Variants in CTCF observed in about 807,000 individuals in gnomAD.
CTCF encodes the protein transcriptional repressor CTCF.
A neutral mutation model predicts 72.3 loss-of-function variants in CTCF; 7 were observed. The ratio of observed to expected loss-of-function variants is 0.10; its 90% CI spans 0.06 to 0.18. The LOEUF (loss-of-function observed/expected upper bound fraction) is 0.18. Among genes scored for constraint, CTCF ranks in the 10% least tolerant of loss-of-function variants. CTCF has a pLI of 1.00. For missense variants in CTCF, 516 were observed against 949.1 expected (o/e 0.54, Z 6.00); for synonymous variants, 374 against 315.8 (o/e 1.18, Z -1.95).
chr16:67,572,421 T>C (rs779687072), intron 2 of CTCF: 9 of 152,174 alleles, frequency 5.9e-5, no homozygotes, highest in Non-Finnish European at 1.3e-4. Flanking sequence ...CACTTTCAAG[T>C]GTTATGACTA....
chr16:67,603,284 A>G (rs1291049542), intron 2 of CTCF, among the ~76,000 whole-genome samples: 1 of 152,084 alleles, frequency 6.6e-6, no homozygotes, highest in Non-Finnish European at 1.5e-5. Context: ...TAATCCCAGC[A>G]CTTTGGGAGG....
chr16:67,636,842 C>G lies in CTCF; in HGVS notation c.1990C>G (p.Gln664Glu). 1 of 1,591,340 alleles carries G rather than the reference C, an allele frequency of 6.3e-7. No homozygotes were observed. The highest frequency in any genetic ancestry group is 8.6e-7 in the Non-Finnish European group (1 of 1,168,358). ...RPPGRTNQPKQNQPTAIIQVE... is the reference protein window; with the variant it reads ...RPPGRTNQPKENQPTAIIQVE... ...CCCTGGCAGAACCAACCAGCCCAAA[C>G]AGAACCAGCGTAAGTTGTTCATCTC... Residue 664 changes from glutamine to glutamate, a missense_variant, in exon 11 of 12, where the codon CAG (glutamine) becomes GAG (glutamate). By Grantham distance (29) the Gln-to-Glu change is conservative. Transcript: ENST00000264010.
chr16:67,579,520 G>T (rs1433115414), intron 2 of CTCF, among the ~76,000 whole-genome samples: 2 of 151,530 alleles, frequency 1.3e-5, no homozygotes, highest in Non-Finnish European at 2.9e-5. Flanking sequence ...CACCATGCCC[G>T]GCTAATTTTT....
chr16:67,564,940 TA>T (rs1327173108), intron 1 of CTCF, among the ~76,000 whole-genome samples: 1 of 152,196 alleles, frequency 6.6e-6, no homozygotes, highest in Non-Finnish European at 1.5e-5. Context: ...GTTTTGTTTT[TA>T]TTAAAAAACA....
At chr16:67,572,652 C>T (rs961922669) in intron 2 of CTCF, 1 of 152,142 alleles carries the variant, frequency 6.6e-6, no homozygotes, top group Non-Finnish European at 1.5e-5. Context: ...ACACCCAGTA[C>T]ATTGGAAGGC....
chr16:67,620,263 C>T (rs969659790), intron 5 of CTCF, among the ~76,000 whole-genome samples: 1 of 152,102 alleles, frequency 6.6e-6, no homozygotes, highest in South Asian at 2.1e-4. Context: ...TGCAGTGGCA[C>T]GATCTCGGGT....
chr16:67,584,334 C>CGTCTTTTTTTT (rs1567596519), intron 2 of CTCF, among the ~76,000 whole-genome samples: 1 of 121,928 alleles, frequency 8.2e-6, no homozygotes, highest in African/African-American at 3.7e-5. Context: ...AAAAAAAAGT[C>CGTCTTTTTTTT]TTCTTTTTTT....
intron 2 of CTCF, among the ~76,000 whole-genome samples, chr16:67,580,772 A>ATTTTTTTTTTTT (rs781616750): frequency 8.3e-6 from 1 of 120,220 alleles, no homozygotes; most frequent in African/African-American, 3.5e-5. Context: ...GCCTGGCCAA[A>ATTTTTTTTTTTT]TTTTTTTTTT....
At chr16:67,603,621 A>ATT (rs2051928316) in intron 2 of CTCF, among the ~76,000 whole-genome samples, 1 of 151,594 alleles carries the variant, frequency 6.6e-6, no homozygotes, top group East Asian at 1.9e-4. Context: ...TCAGGAGATA[A>ATT]GAGACCATCC....
chr16:67,562,921 A>ACGCCCGCC (rs529970183), intron 1 of CTCF, among the ~76,000 whole-genome samples, 197 bp downstream of exon 1: 7 of 41,456 alleles, frequency 1.7e-4, no homozygotes, highest in Non-Finnish European at 2.9e-4. Context: ...CCCCACCCCC[A>ACGCCCGCC]CGCCCGCCCG....
chr16:67,569,817 C>G (rs1372939997), intron 1 of CTCF, among the ~76,000 whole-genome samples: 1 of 151,664 alleles, frequency 6.6e-6, no homozygotes, highest in African/African-American at 2.4e-5. Flanking sequence ...TCCTGAATAG[C>G]TGGGATTACA....
chr16:67,636,244 C>T (rs372021383), intron 10 of CTCF, among the ~76,000 whole-genome samples: 2 of 151,964 alleles, frequency 1.3e-5, no homozygotes, highest in Admixed American at 6.6e-5. Flanking sequence ...GGTGTGGTGG[C>T]GTATGCCTGT....
rs371107175 is a variant in CTCF, at chr16:67,612,063, C to G, written c.894C>G (p.Leu298=). ...HTDERPHKCH[L]CGRAFRTVTL... ...ATGAGAGACCACACAAGTGCCATCT[C>G]TGTGGCAGGGCATTCAGAACAGTCA... Residue 298 remains leucine, a synonymous_variant, in exon 4 of 12, where the codon CTC becomes CTG. Coordinates refer to ENST00000264010, the MANE Select transcript of CTCF (RefSeq NM_006565.4). 6.2e-7 allele frequency: 1 copy of G among 1,614,168 alleles called. No homozygotes were observed. The highest frequency in any genetic ancestry group is 1.3e-5 in the African/African-American group (1 of 75,064).
rs756272782 is a variant in CTCF, at chr16:67,616,727, A to G, written c.953-18A>G. 7 of 1,613,604 alleles carry G rather than the reference A, an allele frequency of 4.3e-6. No homozygotes were observed. The Admixed American group carries it at 1.2e-4, about 27-fold the overall frequency. ...TGCCCTTGATCTTGCTCTTCCTGTT[A>G]CTCCATCCTTTCTCTAGGTACTCGT... On this transcript the variant is annotated intron_variant, in intron 4 of 11. Coordinates refer to ENST00000264010, the MANE Select transcript of CTCF (RefSeq NM_006565.4).
intron 2 of CTCF, among the ~76,000 whole-genome samples, chr16:67,589,323 A>C (rs1375672012): frequency 6.6e-6 from 1 of 152,094 alleles, no homozygotes; most frequent in African/African-American, 2.4e-5. Context: ...AATAATTATA[A>C]TAATATTAAT....
At position 67,629,459 on chromosome 16, in the gene CTCF, G is replaced by T. The variant is rs1405972345; in HGVS notation, c.1763G>T (p.Gly588Val). 6.2e-7 allele frequency: 1 copy of T among 1,613,258 alleles called. No homozygotes were observed. The highest frequency in any genetic ancestry group is 8.5e-7 in the Non-Finnish European group (1 of 1,179,692). ...AGPDGVEGENGGETKKSKRGR... is the reference protein window; with the variant it reads ...AGPDGVEGENVGETKKSKRGR... ...CCAGATGGCGTAGAGGGGGAAAATG[G>T]AGGAGAAACGAAGAAGAGTAAACGT... Residue 588 changes from glycine to valine, a missense_variant, in exon 10 of 12, where the codon GGA becomes GTA. This residue lies in a region of CTCF where 157 missense variants were observed against 172.9 expected (regional missense o/e 0.91). Coordinates refer to ENST00000264010, the MANE Select transcript of CTCF (RefSeq NM_006565.4).
chr16:67,612,170 G>T lies in CTCF; in HGVS notation c.952+49G>T, dbSNP rs370933309. The T allele has an allele frequency of 2.8e-5, 44 of 1,544,816 alleles. 1 individual carries two copies. In the South Asian group the frequency reaches 3.5e-4, roughly 12 times the overall value. ...CTACAACAGCAAATGCTCAGACTTC[G>T]CTTTTTAGTATTCATTCAAGCTGAC... On this transcript the variant is annotated intron_variant, in intron 4 of 11. Transcript: ENST00000264010.
chr16:67,626,049 A>G (rs979873682), intron 7 of CTCF, among the ~76,000 whole-genome samples: 2 of 151,746 alleles, frequency 1.3e-5, no homozygotes, highest in East Asian at 1.9e-4. Context: ...ATCTTCTCCC[A>G]CCTATCCTGT....
chr16:67,605,966 G>A lies in CTCF; in HGVS notation c.-9-4858G>A, dbSNP rs887822675. Among the ~76,000 whole-genome samples, 5 of 152,194 alleles carry A rather than the reference G, an allele frequency of 3.3e-5. No homozygotes were observed. In the East Asian group the frequency reaches 9.6e-4, roughly 29 times the overall value. Reference sequence around the variant, plus strand: ...GCTTTGTGAGCCAGAAGGGTGGTAAGTGCATCATGTAGTTTTTGCAAAAGT... The same window carrying A: ...GCTTTGTGAGCCAGAAGGGTGGTAAATGCATCATGTAGTTTTTGCAAAAGT... On this transcript the variant is annotated intron_variant, in intron 2 of 11. Transcript: ENST00000264010.
Sources: allele counts gnomAD v4.1 joint callset (sites outside exome capture counted in the v4.1 genomes callset), GRCh38; gene constraint gnomAD v4.1.1; regional missense constraint gnomAD v4.1.1; transcripts MANE v1.5; gene names NCBI Gene and HGNC (gene_info 2026-07-23, HGNC 2026-07-21).